The following ME3 variants were observed in gnomAD, a reference collection of about 807,000 sequenced individuals.
ME3 encodes malic enzyme 3, also known as NADP-dependent malic enzyme, mitochondrial.
In ME3, 48 loss-of-function variants were observed where a neutral mutation model predicts 68.9. The ratio of observed to expected loss-of-function variants is 0.70; its 90% CI spans 0.55 to 0.89. The LOEUF (loss-of-function observed/expected upper bound fraction) is 0.89. Ranked by LOEUF, ME3 falls within the 40% of genes least tolerant of loss-of-function variation. The pLI is 0.00. For synonymous variants in ME3, 320 were observed against 318.8 expected, an observed-to-expected ratio of 1.00 and a Z score of -0.04; for missense variants, 675 against 797.4, an observed-to-expected ratio of 0.85 and a Z score of 1.85.
intron 2 of ME3, among the ~76,000 whole-genome samples, chr11:86,586,380 A>G (rs1958736221): frequency 1.3e-5 from 2 of 152,216 alleles, no homozygotes; most frequent in Non-Finnish European, 2.9e-5. Context: ...ACCCGGCAGC[A>G]TCTCTGGTTG....
chr11:86,597,618 C>A (rs552622570), intron 2 of ME3, among the ~76,000 whole-genome samples: 1 of 152,170 alleles, frequency 6.6e-6, no homozygotes, highest in East Asian at 1.9e-4. Flanking sequence ...TTAATACCTA[C>A]GTGGGAAATG....
intron 10 of ME3, 88 bp from the exon 11 acceptor site, chr11:86,448,343 C>T: frequency 4.2e-6 from 4 of 945,850 alleles, no homozygotes; most frequent in Non-Finnish European, 6.7e-6. Flanking sequence ...GAGAGCGTTT[C>T]CTGCTGAGCC....
intron 8 of ME3, among the ~76,000 whole-genome samples, chr11:86,454,773 C>G (rs541353095): frequency 2.0e-5 from 3 of 152,330 alleles, no homozygotes; most frequent in Admixed American, 2.0e-4. Context: ...AAATAGTATA[C>G]ATTTATCACA....
intron 6 of ME3, 149 bp downstream of exon 6, chr11:86,497,814 A>G (rs948758849): frequency 9.2e-5 from 84 of 911,208 alleles, no homozygotes; most frequent in Middle Eastern, 3.6e-4. Flanking sequence ...CTACTCCACA[A>G]CTGTGTAGGG....
intron 4 of ME3, among the ~76,000 whole-genome samples, chr11:86,515,897 G>A (rs1413721389): frequency 6.6e-6 from 1 of 152,172 alleles, no homozygotes; most frequent in Non-Finnish European, 1.5e-5. Context: ...ACAGGAAGCC[G>A]CAGGCCAGGC....
intron 6 of ME3, 105 bp downstream of exon 6, chr11:86,497,858 A>C: frequency 2.4e-6 from 3 of 1,251,592 alleles, no homozygotes; most frequent in Non-Finnish European, 3.3e-6. Flanking sequence ...CCAAGAAAGA[A>C]ATGGCCCATT....
At chr11:86,654,952 A>T (rs907528962) in intron 2 of ME3, among the ~76,000 whole-genome samples, 1 of 152,248 alleles carries the variant, frequency 6.6e-6, no homozygotes, top group African/African-American at 2.4e-5. Flanking sequence ...ATACACAAAT[A>T]ACAGACAAAC....
chr11:86,667,318 C>T (rs888978896), intron 2 of ME3, among the ~76,000 whole-genome samples: 16 of 152,256 alleles, frequency 1.1e-4, no homozygotes, highest in Non-Finnish European at 1.6e-4. Flanking sequence ...CTGGCACACA[C>T]GGATCAAAGG....
intron 2 of ME3, among the ~76,000 whole-genome samples, chr11:86,646,772 G>C (rs1945045153): frequency 6.6e-6 from 1 of 152,120 alleles, no homozygotes. Flanking sequence ...AGATTGAAAT[G>C]AAGGAAAAAA....
At chr11:86,524,165 C>A (rs960555792) in intron 4 of ME3, among the ~76,000 whole-genome samples, 2 of 152,196 alleles carry the variant, frequency 1.3e-5, no homozygotes, top group Non-Finnish European at 2.9e-5. Flanking sequence ...ACCTTCCTGA[C>A]GTCTAGAAGG....
In ME3 at chr11:86,570,038, T is replaced by C. The variant is rs186604905; in HGVS notation, c.184-10215A>G. 3.3e-5 allele frequency among the ~76,000 whole-genome samples: 5 copies of C among 152,324 alleles called. No individual in the cohort carries two copies. In the South Asian group the frequency reaches 1.0e-3, roughly 32 times the overall value. On this transcript the variant is annotated intron_variant, in intron 2 of 14. Coordinates refer to ENST00000543262, the Ensembl canonical transcript of ME3. The stretch of plus-strand genomic sequence containing the variant: ...TTCCTCTGTATTTGCCTCAGATCAG[T>C]CAGCCCACCTGCAAACAGGTGTGCC...
intron 4 of ME3, among the ~76,000 whole-genome samples, chr11:86,525,642 C>G (rs753664693): frequency 3.2e-4 from 48 of 152,130 alleles, no homozygotes; most frequent in Non-Finnish European, 5.6e-4. Flanking sequence ...GTGGGTGGAT[C>G]ACCTGAGGTC....
intron 2 of ME3, among the ~76,000 whole-genome samples, chr11:86,626,094 GAGA>G (rs1943645886): frequency 6.6e-6 from 1 of 152,202 alleles, no homozygotes; most frequent in South Asian, 2.1e-4. Context: ...ACGAAGTTCA[GAGA>G]AGGCTTCCTG....
At chr11:86,555,137 G>C (rs537104448) in intron 4 of ME3, among the ~76,000 whole-genome samples, 2 of 152,284 alleles carry the variant, frequency 1.3e-5, no homozygotes, top group East Asian at 3.9e-4. Context: ...GCATGGAGAA[G>C]AACATCAGTG....
intron 2 of ME3, among the ~76,000 whole-genome samples, chr11:86,648,589 C>T (rs534603905): frequency 2.1e-4 from 32 of 151,380 alleles, no homozygotes; most frequent in African/African-American, 6.8e-4. Flanking sequence ...ACTGCTAGAA[C>T]GATTCTTCTC....
chr11:86,462,308 T>C (rs1183045158), intron 8 of ME3, among the ~76,000 whole-genome samples: 1 of 152,240 alleles, frequency 6.6e-6, no homozygotes, highest in Non-Finnish European at 1.5e-5. Context: ...GTTAGGTATG[T>C]CATGCATACA....
At chr11:86,587,565 G>A (rs11234704) in intron 2 of ME3, among the ~76,000 whole-genome samples, 31,270 of 152,132 alleles carry the variant, frequency 0.21, 3,485 homozygotes, top group East Asian at 0.4. Context: ...TGCCCCTGGA[G>A]TAAAGCCCTT....
intron 2 of ME3, among the ~76,000 whole-genome samples, chr11:86,634,139 A>G (rs549095265): frequency 6.6e-6 from 1 of 152,312 alleles, no homozygotes; most frequent in East Asian, 1.9e-4. Context: ...AAAAAGGAGA[A>G]GGAAGAGTAG....
In ME3 at chr11:86,471,141, C is replaced by CTTTTTTT. The variant is rs1163128094; in HGVS notation, c.810-5948_810-5942dup. 1.3e-4 allele frequency among the ~76,000 whole-genome samples: 10 copies of CTTTTTTT among 75,042 alleles called. 1 individual carries two copies. Among genetic ancestry groups the CTTTTTTT allele is most frequent in the African/African-American group, 1.3e-4 (2 of 15,902 alleles). 49.2% of individuals were successfully genotyped at this position (75,042 alleles called of 152,430 possible). A position where few individuals can be genotyped will look rare whatever the true frequency, so the allele number is the denominator to read the frequency against. On this transcript the variant is annotated intron_variant, in intron 7 of 14. Transcript: ENST00000543262. ...CCTACTTAAACTGTAAGGCCCAGAG[C>CTTTTTTT]TTTTTTTTTTTTTTTTTTTTTTTTT...
Sources: allele counts gnomAD v4.1 joint callset (sites outside exome capture counted in the v4.1 genomes callset), GRCh38; gene constraint gnomAD v4.1.1; transcripts MANE v1.5; gene names NCBI Gene and HGNC (gene_info 2026-07-23, HGNC 2026-07-21).